EYA2: variants seen among roughly 807,000 people sequenced by gnomAD.
EYA2 encodes protein phosphatase EYA2.
A neutral mutation model predicts 69.2 loss-of-function variants in EYA2; 31 were observed. The observed-to-expected ratio is 0.45, with a 90% CI of 0.34 to 0.60. EYA2 has a LOEUF of 0.60. Among genes scored for constraint, EYA2 ranks in the 20% least tolerant of loss-of-function variants. The pLI is 0.02. For missense variants in EYA2, 622 were observed against 701.2 expected, an observed-to-expected ratio of 0.89 and a Z score of 1.28; for synonymous variants, 257 against 279.4, an observed-to-expected ratio of 0.92 and a Z score of 0.80.
At chr20:46,990,944 G>A (rs1981619819) in intron 2 of EYA2, among the ~76,000 whole-genome samples, 1 of 152,194 alleles carries the variant, frequency 6.6e-6, no homozygotes, top group Non-Finnish European at 1.5e-5. Flanking sequence ...GCCAATCCAG[G>A]CTTCCATGAG....
intron 10 of EYA2, among the ~76,000 whole-genome samples, chr20:47,150,724 C>T (rs1016187977): frequency 6.6e-6 from 1 of 152,022 alleles, no homozygotes; most frequent in African/African-American, 2.4e-5. Flanking sequence ...GCCTTGGGCT[C>T]TCAAACTGCT....
intron 9 of EYA2, among the ~76,000 whole-genome samples, chr20:47,115,159 C>CAACTGCCCACCACCT (rs781292309): frequency 6.6e-6 from 1 of 152,178 alleles, no homozygotes. Flanking sequence ...GCCCACCTCC[C>CAACTGCCCACCACCT]AACTGCCCAC....
chr20:47,059,701 C>T (rs1179870404), intron 5 of EYA2, among the ~76,000 whole-genome samples: 1 of 152,238 alleles, frequency 6.6e-6, no homozygotes, highest in African/African-American at 2.4e-5. Context: ...AAAGTTTCAT[C>T]TTAGTCATTT....
At chr20:47,124,011 G>C (rs377759389) in intron 9 of EYA2, among the ~76,000 whole-genome samples, 1 of 151,964 alleles carries the variant, frequency 6.6e-6, no homozygotes, top group Admixed American at 6.6e-5. Flanking sequence ...GGAGTGGGGG[G>C]CCTAATGAAC....
intron 4 of EYA2, among the ~76,000 whole-genome samples, chr20:47,009,264 C>T (rs1982916389): frequency 6.6e-6 from 1 of 152,208 alleles, no homozygotes; most frequent in African/African-American, 2.4e-5. Context: ...AGCCGTTTCC[C>T]TTTACATCTG....
At chr20:47,084,339 A>G (rs2031825149) in intron 7 of EYA2, among the ~76,000 whole-genome samples, 1 of 152,134 alleles carries the variant, frequency 6.6e-6, no homozygotes, top group South Asian at 2.1e-4. Flanking sequence ...CCAAGACTTC[A>G]AGACCAGCGT....
chr20:47,163,292 A>C (rs2034108518), intron 10 of EYA2, among the ~76,000 whole-genome samples: 1 of 152,118 alleles, frequency 6.6e-6, no homozygotes, highest in African/African-American at 2.4e-5. Flanking sequence ...TGGCCTCCCA[A>C]AGTGCTGGGA....
chr20:46,896,554 T>C (rs1371612477), intron 1 of EYA2, among the ~76,000 whole-genome samples: 1 of 152,250 alleles, frequency 6.6e-6, no homozygotes, highest in Admixed American at 6.5e-5. Flanking sequence ...AGCCCCTTCA[T>C]CCTTTACATA....
At chr20:47,062,007 G>A (rs6018251) in intron 5 of EYA2, among the ~76,000 whole-genome samples, 60,597 of 151,930 alleles carry the variant, frequency 0.4, 13,262 homozygotes, top group African/African-American at 0.59. Context: ...GCCCCAGCTT[G>A]GGCTCCATGA....
chr20:47,130,261 C>CTTTTTT lies in EYA2; in HGVS notation c.889-12782_889-12777dup, dbSNP rs74178703. Among the ~76,000 whole-genome samples the CTTTTTT allele has an allele frequency of 3.2e-3, 259 of 81,250 alleles. 67 individuals carry two copies. Among genetic ancestry groups the CTTTTTT allele is most frequent in the African/African-American group, 8.8e-3 (153 of 17,372 alleles). 53.3% of individuals were successfully genotyped at this position (81,250 alleles called of 152,430 possible). On this transcript the variant is annotated intron_variant, in intron 9 of 15. Transcript: ENST00000327619. ...AAAGAAATAAAAGAAGGTTTATTTT[C>CTTTTTT]TTTTTTTTTTTTTTTTTTTTTGAGA...
intron 12 of EYA2, 72 bp downstream of exon 12, chr20:47,172,939 G>A (rs1240438205): frequency 8.6e-6 from 13 of 1,506,718 alleles, no homozygotes; most frequent in Non-Finnish European, 1.2e-5. Flanking sequence ...TGTCCCTGCT[G>A]TGCCAGGCGC....
intron 1 of EYA2, among the ~76,000 whole-genome samples, chr20:46,912,500 G>A (rs1415609297): frequency 6.6e-6 from 1 of 152,074 alleles, no homozygotes; most frequent in Non-Finnish European, 1.5e-5. Flanking sequence ...CCAGGCACTT[G>A]GCAAGCAGCT....
chr20:47,068,929 C>T (rs1042557684), intron 5 of EYA2, among the ~76,000 whole-genome samples: 9 of 152,122 alleles, frequency 5.9e-5, no homozygotes, highest in African/African-American at 2.2e-4. Flanking sequence ...TAGAGATGTG[C>T]CTGCAGTTGT....
chr20:47,122,356 C>T (rs999881139), intron 9 of EYA2, among the ~76,000 whole-genome samples: 2 of 143,934 alleles, frequency 1.4e-5, no homozygotes, highest in East Asian at 2.0e-4. Context: ...TGCAGTGGCA[C>T]GATCTCAGCT....
chr20:47,072,971 A>G (rs1432496156), intron 6 of EYA2, among the ~76,000 whole-genome samples: 1 of 152,250 alleles, frequency 6.6e-6, no homozygotes, highest in Non-Finnish European at 1.5e-5. Flanking sequence ...TTTAAAACTT[A>G]GCAAATGTAA....
rs549937765 is a variant in EYA2, at chr20:47,090,429, G to A, written c.804+1048G>A. Reference sequence around the variant, plus strand: ...TAATTTTTGTATTTTTAGTAGAGACGAGGTTTTACCATGTTGGCCAGGCTG... The same window carrying A: ...TAATTTTTGTATTTTTAGTAGAGACAAGGTTTTACCATGTTGGCCAGGCTG... On this transcript the variant is annotated intron_variant, in intron 8 of 15. Transcript: ENST00000327619. 7.9e-5 allele frequency among the ~76,000 whole-genome samples: 12 copies of A among 152,044 alleles called. No individual in the cohort carries two copies. The South Asian group carries it at 1.0e-3, about 13-fold the overall frequency.
chr20:46,999,671 C>T (rs1167982873), intron 2 of EYA2, among the ~76,000 whole-genome samples: 1 of 152,128 alleles, frequency 6.6e-6, no homozygotes, highest in South Asian at 2.1e-4. Flanking sequence ...TCAAGACCAC[C>T]ACCCCCGCCC....
intron 9 of EYA2, among the ~76,000 whole-genome samples, chr20:47,122,645 A>G (rs8124673): frequency 0.43 from 65,882 of 151,754 alleles, 15,852 homozygotes; most frequent in East Asian, 0.68. Context: ...AGGGACTTTC[A>G]ATATCTGAGA....
At chr20:46,919,027 T>A (rs1434269773) in intron 1 of EYA2, among the ~76,000 whole-genome samples, 1 of 152,206 alleles carries the variant, frequency 6.6e-6, no homozygotes, top group Non-Finnish European at 1.5e-5. Flanking sequence ...AAGAAACCTT[T>A]TTATCTGAGC....
Sources: gnomAD v4.1 joint callset for allele counts (sites outside exome capture counted in the v4.1 genomes callset) on GRCh38, gnomAD v4.1.1 for gene constraint, MANE v1.5 for transcripts, NCBI Gene and HGNC (gene_info 2026-07-23, HGNC 2026-07-21) for gene names.